Variants in ACER3 observed in about 807,000 individuals in gnomAD.
The protein encoded by ACER3 is alkaline ceramidase 3.
A neutral mutation model predicts 48.9 loss-of-function variants in ACER3; 16 were observed. The observed-to-expected ratio is 0.33, with a 90% CI of 0.22 to 0.50. The LOEUF is 0.50. Among genes scored for constraint, ACER3 ranks in the 20% least tolerant of loss-of-function variants. The pLI is 0.98. For synonymous variants in ACER3, 109 were observed against 107.8 expected, an observed-to-expected ratio of 1.01 and a Z score of -0.07; for missense variants, 227 against 326.0, an observed-to-expected ratio of 0.70 and a Z score of 2.34.
At chr11:76,887,230 GGGTAA>G (rs1363485620) in intron 1 of ACER3, among the ~76,000 whole-genome samples, 1 of 152,116 alleles carries the variant, frequency 6.6e-6, no homozygotes, top group Non-Finnish European at 1.5e-5. Flanking sequence ...ATTCCAGCTT[GGGTAA>G]CAGAGCAAGA....
intron 2 of ACER3, among the ~76,000 whole-genome samples, chr11:76,928,557 T>C (rs562027383): frequency 2.6e-5 from 4 of 152,322 alleles, no homozygotes; most frequent in South Asian, 2.1e-4. Context: ...CTGAATGCTA[T>C]TGCCTAGGTT....
chr11:76,927,249 C>G (rs1338739723), intron 2 of ACER3, among the ~76,000 whole-genome samples: 1 of 152,184 alleles, frequency 6.6e-6, no homozygotes, highest in Non-Finnish European at 1.5e-5. Context: ...AGGTGGAGGA[C>G]TGTGTCTTAA....
At chr11:76,903,386 C>T (rs990819101) in intron 1 of ACER3, among the ~76,000 whole-genome samples, 58 of 152,194 alleles carry the variant, frequency 3.8e-4, no homozygotes, top group African/African-American at 1.3e-3. Context: ...ATCACTCTGC[C>T]CAGCATTCAA....
chr11:76,956,760 A>G (rs72945462), intron 2 of ACER3, among the ~76,000 whole-genome samples: 2,947 of 140,856 alleles, frequency 0.021, 37 homozygotes, highest in Non-Finnish European at 0.03. Flanking sequence ...TTTTTCCTTT[A>G]CATTGAATAA....
At chr11:76,896,499 AAAAAG>A (rs958904765) in intron 1 of ACER3, among the ~76,000 whole-genome samples, 2 of 152,210 alleles carry the variant, frequency 1.3e-5, no homozygotes, top group African/African-American at 4.8e-5. Context: ...TCTTAAAAAA[AAAAAG>A]AAAAGACTAG....
chr11:76,875,619 A>C (rs2134550842), intron 1 of ACER3, among the ~76,000 whole-genome samples: 1 of 151,760 alleles, frequency 6.6e-6, no homozygotes, highest in Admixed American at 6.6e-5. Context: ...AGTAAACTGC[A>C]GACATCTGTT....
intron 1 of ACER3, among the ~76,000 whole-genome samples, chr11:76,909,236 C>G (rs940191778): frequency 6.6e-6 from 1 of 152,046 alleles, no homozygotes; most frequent in Non-Finnish European, 1.5e-5. Flanking sequence ...ACTAAAACAC[C>G]AAAAGCAATG....
At chr11:76,889,890 T>G (rs1393386549) in intron 1 of ACER3, among the ~76,000 whole-genome samples, 1 of 152,098 alleles carries the variant, frequency 6.6e-6, no homozygotes, top group African/African-American at 2.4e-5. Flanking sequence ...TTTTTCTTTC[T>G]TGGTTATTTT....
At chr11:77,017,195 T>G (rs147349578) in intron 9 of ACER3, among the ~76,000 whole-genome samples, 185 of 151,884 alleles carry the variant, frequency 1.2e-3, no homozygotes, top group African/African-American at 4.3e-3. Context: ...TCTGTGAAAC[T>G]AAGAGTTGGG....
chr11:77,022,297 A>G lies in ACER3; in HGVS notation c.*1970A>G, dbSNP rs1949484221. 6.6e-6 allele frequency: 1 copy of G among 152,170 alleles called. No homozygotes were observed. The highest frequency in any genetic ancestry group is 1.5e-5 in the Non-Finnish European group (1 of 68,040). 9.4% of individuals were successfully genotyped at this position (152,170 alleles called of 1,614,324 possible). A position where few individuals can be genotyped will look rare whatever the true frequency, so the allele number is the denominator to read the frequency against. On this transcript the variant is annotated 3_prime_UTR_variant, in exon 11 of 11. Coordinates refer to ENST00000532485, the MANE Select transcript of ACER3 (RefSeq NM_018367.7). The stretch of plus-strand genomic sequence containing the variant: ...CTTGATACTGAGGCCATTTAGAGCA[A>G]TTTGTTTAATGAGTGGTTCAGCCAT...
chr11:76,989,478 C>A (rs1948754335), intron 5 of ACER3, among the ~76,000 whole-genome samples: 1 of 151,980 alleles, frequency 6.6e-6, no homozygotes, highest in Non-Finnish European at 1.5e-5. Flanking sequence ...CTGGTTGCTT[C>A]CGCTGTATAG....
At chr11:77,004,851 G>A (rs1949101091) in intron 7 of ACER3, among the ~76,000 whole-genome samples, 1 of 152,014 alleles carries the variant, frequency 6.6e-6, no homozygotes, top group African/African-American at 2.4e-5. Context: ...AGTTGAATCA[G>A]TTTGAGTCAT....
chr11:76,861,316 G>T (rs989305117), intron 1 of ACER3, among the ~76,000 whole-genome samples: 3 of 144,854 alleles, frequency 2.1e-5, no homozygotes, highest in South Asian at 2.5e-4. Context: ...GGATTGGGGG[G>T]GCAGAAGAGC....
chr11:76,952,668 C>CTTTTT (rs398016733), intron 2 of ACER3, among the ~76,000 whole-genome samples: 6 of 132,974 alleles, frequency 4.5e-5, no homozygotes, highest in Non-Finnish European at 6.3e-5. Flanking sequence ...CGTAAGATTT[C>CTTTTT]TTTTTTTTTT....
Position 76,985,716 on chromosome 11 carries a change from G to A in ACER3, c.394G>A (p.Val132Ile). Reference protein sequence around the residue: ...LFTLVLFSLIVTTVYLKVKEP... With the variant: ...LFTLVLFSLIITTVYLKVKEP... ...TACCTTAGTTCTATTCAGTTTAATA[G>A]TAACCACAGTAAGTCATATTTTGTT... Residue 132 changes from valine to isoleucine, a missense_variant, in exon 5 of 11, where the codon GTA becomes ATA. By Grantham distance (29) the Val-to-Ile change is conservative. Coordinates refer to ENST00000532485, the MANE Select transcript of ACER3 (RefSeq NM_018367.7). 1 of 1,517,312 alleles carries A rather than the reference G, an allele frequency of 6.6e-7. No homozygotes were observed. Among genetic ancestry groups the A allele is most frequent in the African/African-American group, 1.4e-5 (1 of 70,048 alleles). The allele number at this position is 1,517,312 out of a possible 1,614,324, so 94.0% of individuals were successfully genotyped here.
chr11:76,870,903 G>T (rs1945225799), intron 1 of ACER3, among the ~76,000 whole-genome samples: 1 of 152,140 alleles, frequency 6.6e-6, no homozygotes, highest in South Asian at 2.1e-4. Flanking sequence ...ATTAAAAATA[G>T]CCAGTAGAAA....
chr11:76,873,985 A>T (rs762956391), intron 1 of ACER3, among the ~76,000 whole-genome samples: 1 of 152,226 alleles, frequency 6.6e-6, no homozygotes, highest in Non-Finnish European at 1.5e-5. Context: ...AATGGGAAAA[A>T]ACTCACCTGG....
At chr11:76,985,527 A>C (rs1401547375) in intron 4 of ACER3, 116 bp from the exon 5 acceptor site, 8 of 638,266 alleles carry the variant, frequency 1.3e-5, no homozygotes, top group Middle Eastern at 4.3e-4. Context: ...TATGAGTGGA[A>C]AGAAATGATG....
At chr11:76,929,016 A>G (rs1763383965) in intron 2 of ACER3, among the ~76,000 whole-genome samples, 1 of 152,170 alleles carries the variant, frequency 6.6e-6, no homozygotes, top group Non-Finnish European at 1.5e-5. Flanking sequence ...TGGTAGCTTG[A>G]TGGGGATGGC....
Sources: allele counts gnomAD v4.1 joint callset (sites outside exome capture counted in the v4.1 genomes callset), GRCh38; gene constraint gnomAD v4.1.1; transcripts MANE v1.5; gene names NCBI Gene and HGNC (gene_info 2026-07-23, HGNC 2026-07-21).